Variants in FAM83H observed in about 807,000 individuals in gnomAD.
FAM83H encodes the protein scaffolding CK1 anchoring protein H.
A neutral mutation model predicts 30.2 loss-of-function variants in FAM83H; 24 were observed. That is an observed-to-expected ratio of 0.79 (90% CI 0.57 to 1.12). The LOEUF is 1.12. FAM83H is among the 50% of genes most tolerant of loss of function. The pLI is 0.00. For synonymous variants in FAM83H, 1,013 were observed against 821.7 expected, an observed-to-expected ratio of 1.23 and a Z score of -3.98; for missense variants, 2,038 against 1,773.9, an observed-to-expected ratio of 1.15 and a Z score of -2.67.
chr8:143,731,000 CAGA>C (rs1254708963), intron 1 of FAM83H, among the ~76,000 whole-genome samples: 4 of 152,058 alleles, frequency 2.6e-5, no homozygotes, highest in African/African-American at 7.3e-5. Context: ...GAAGCTGAGA[CAGA>C]AGGATTGTTT....
At position 143,728,058 on chromosome 8, in the gene FAM83H, C is replaced by T. The variant is rs782789374; in HGVS notation, c.1403G>A (p.Arg468His). The T allele has an allele frequency of 5.0e-6, 8 of 1,609,768 alleles. No individual in the cohort carries two copies. Among genetic ancestry groups the T allele is most frequent in the Non-Finnish European group, 6.8e-6 (8 of 1,179,262 alleles). Residue 468 changes from arginine (R) to histidine (H), a missense_variant, in exon 5 of 5, where the codon CGC becomes CAC. Physicochemically the swap from Arg to His is conservative, Grantham distance 29 (BLOSUM62 0). Transcript: ENST00000388913. ...YQWDPQLTPA[R>H]PQGLFEKLRG... is the part of the protein sequence containing the mutation. ...AAGCTTCTCGAACAGGCCTTGCGGG[C>T]GCGCCGGCGTGAGCTGCGGGTCCCA...
chr8:143,727,956 G>T lies in FAM83H; in HGVS notation c.1505C>A (p.Pro502His). 4 of 1,559,040 alleles carry T rather than the reference G, an allele frequency of 2.6e-6. No individual in the cohort carries two copies. The highest frequency in any genetic ancestry group is 3.4e-6 in the Non-Finnish European group (4 of 1,160,454). ...GAGPRFPELG[P>H]DGHQRLDYVP... is the part of the protein sequence containing the mutation. ...GTAGTCCAGCCGCTGGTGCCCGTCG[G>T]GTCCGAGCTCCGGGAAGCGGGGCCC... The change falls in exon 5 of 5, where the codon CCC becomes CAC. Residue 502 changes from proline (P) to histidine (H), a missense_variant. Pro to His is a moderately conservative substitution (Grantham distance 77). Coordinates refer to ENST00000388913, the MANE Select transcript of FAM83H (RefSeq NM_198488.5).
chr8:143,727,203 C>A lies in FAM83H; in HGVS notation c.2258G>T (p.Gly753Val), dbSNP rs1554622398. The A allele has an allele frequency of 6.5e-7, 1 of 1,533,382 alleles. No homozygotes were observed. The highest frequency in any genetic ancestry group is 8.7e-7 in the Non-Finnish European group (1 of 1,145,398). 95.0% of individuals were successfully genotyped at this position (1,533,382 alleles called of 1,614,324 possible). A position where few individuals can be genotyped will look rare whatever the true frequency, so the allele number is the denominator to read the frequency against. ...GPARDPGGGA[G>V]AITVASHSKA... ...GCTGTGGCTGGCAACGGTGATGGCG[C>A]CCGCGCCGCCGCCGGGATCACGGGC... The change falls in exon 5 of 5, where the codon GGC (glycine) becomes GTC (valine). Residue 753 changes from glycine (G) to valine (V), a missense_variant. Transcript: ENST00000388913.
chr8:143,728,728 G>C lies in FAM83H; in HGVS notation c.738-5C>G, dbSNP rs782651375. ...TTCTCAAAGGACCACATGAAGCTGT[G>C]GGGGGGTCAGGGCCAGAGTCAAACC... is the stretch of plus-strand genomic sequence containing the variant. On this transcript the variant is annotated splice_region_variant and splice_polypyrimidine_tract_variant and intron_variant, in intron 4 of 4. Transcript: ENST00000388913. 2 of 1,598,462 alleles carry C rather than the reference G, an allele frequency of 1.3e-6. No individual in the cohort carries two copies. The highest frequency in any genetic ancestry group is 8.5e-7 in the Non-Finnish European group (1 of 1,179,760).
At position 143,725,164 on chromosome 8, in the gene FAM83H, G is replaced by C. The variant is rs1466730432; in HGVS notation, c.*757C>G. ...GCGGGGGAGGGGGGAGACGGGGGGG[G>C]GGGGGGGGGAGGGAAGGAGGAGACC... is the stretch of plus-strand genomic sequence containing the variant. On this transcript the variant is annotated 3_prime_UTR_variant, in exon 5 of 5. Coordinates refer to ENST00000388913, the MANE Select transcript of FAM83H (RefSeq NM_198488.5). The C allele has an allele frequency of 1.2e-5, 1 of 85,154 alleles. No individual in the cohort carries two copies. Among genetic ancestry groups the C allele is most frequent in the Admixed American group, 1.2e-4 (1 of 8,096 alleles). 5.3% of individuals were successfully genotyped at this position (85,154 alleles called of 1,614,324 possible).
chr8:143,727,386 T>A lies in FAM83H; in HGVS notation c.2075A>T (p.Gln692Leu), dbSNP rs1252025368. 1 of 1,572,470 alleles carries A rather than the reference T, an allele frequency of 6.4e-7. No individual in the cohort carries two copies. Among genetic ancestry groups the A allele is most frequent in the Non-Finnish European group, 8.6e-7 (1 of 1,167,796 alleles). ...LRSSLIFSTSQAEGAAGAAAA... is the reference protein window; with the variant it reads ...LRSSLIFSTSLAEGAAGAAAA... ...CGCAGCCCCGGCCGCGCCCTCGGCC[T>A]GTGACGTGCTGAAGATGAGCGAGGA... The change falls in exon 5 of 5, where the codon CAG becomes CTG. Residue 692 changes from glutamine (Q) to leucine (L), a missense_variant. Coordinates refer to ENST00000388913, the MANE Select transcript of FAM83H (RefSeq NM_198488.5).
chr8:143,728,570 A>G lies in FAM83H; in HGVS notation c.891T>C (p.Tyr297=). 1.3e-6 allele frequency: 2 copies of G among 1,594,760 alleles called. No homozygotes were observed. The highest frequency in any genetic ancestry group is 1.7e-6 in the Non-Finnish European group (2 of 1,171,580). Residue 297 remains tyrosine (Y), a synonymous_variant, in exon 5 of 5, where the codon TAT becomes TAC. Coordinates refer to ENST00000388913, the MANE Select transcript of FAM83H (RefSeq NM_198488.5). The part of the protein sequence containing the change: ...SAAALARMDA[Y]ALAPYAGAGP... ...CGGCCCCGGCATACGGAGCCAGGGC[A>G]TAGGCGTCCATGCGGGCCAGGGCCG...
In FAM83H at chr8:143,725,639, G is replaced by T; in HGVS notation, c.*282C>A. 1 of 569,604 alleles carries T rather than the reference G, an allele frequency of 1.8e-6. No individual in the cohort carries two copies. 35.3% of individuals were successfully genotyped at this position (569,604 alleles called of 1,614,324 possible). ...AAGAGATGGCGGAGCCAGACGCTGC[G>T]CCACGCAAGGCTGACGGTGCAGAGA... is the stretch of plus-strand genomic sequence containing the variant. On this transcript the variant is annotated 3_prime_UTR_variant, in exon 5 of 5. Transcript: ENST00000388913.
rs782531719 is a variant in FAM83H, at chr8:143,725,918, GACTC to G, written c.3539_*2del. 6.2e-7 allele frequency: 1 copy of G among 1,612,746 alleles called. No individual in the cohort carries two copies. The highest frequency in any genetic ancestry group is 8.5e-7 in the Non-Finnish European group (1 of 1,179,884). On this transcript the variant is annotated stop_lost and 3_prime_UTR_variant, in exon 5 of 5. Coordinates refer to ENST00000388913, the MANE Select transcript of FAM83H (RefSeq NM_198488.5). ...CCTGGCCTGGGTTGCCAGGCCAGAA[GACTC>G]ACTTCTTGCTTTTGAACGTGCCCAG...
At chr8:143,730,632 G>A in intron 1 of FAM83H, 35 bp from the exon 2 acceptor site, 2 of 1,406,894 alleles carry the variant, frequency 1.4e-6, no homozygotes, top group South Asian at 1.4e-5. Context: ...CTAGGGGTGG[G>A]GGCACTGGGA....
rs1818195507 is a variant in FAM83H at position 143,724,022 on chromosome 8, C to T, written c.*1899G>A. ...GGTGCAGGCAGGAGGCTCCGAAGGC[C>T]CAGGCAGGGCCGCCAGCCTCTGGCC... On this transcript the variant is annotated 3_prime_UTR_variant, in exon 5 of 5. Transcript: ENST00000388913. The T allele has an allele frequency of 6.6e-6, 1 of 152,188 alleles. No individual in the cohort carries two copies. Among genetic ancestry groups the T allele is most frequent in the African/African-American group, 2.4e-5 (1 of 41,420 alleles). The allele number at this position is 152,188 out of a possible 1,614,324, so 9.4% of individuals were successfully genotyped here. A position where few individuals can be genotyped will look rare whatever the true frequency, so the allele number is the denominator to read the frequency against.
Position 143,727,261 on chromosome 8 carries a change from C to G in FAM83H, c.2200G>C (p.Val734Leu), listed in dbSNP as rs1818335059. ...EAVRSAASTK[V>L]AELLEKYKGP... ...TTGTACTTCTCCAGCAGCTCCGCCA[C>G]CTTGGTGGAAGCCGCGGAGCGCACG... Residue 734 changes from valine (V) to leucine (L), a missense_variant, in exon 5 of 5, where the codon GTG becomes CTG. By Grantham distance (32) the Val-to-Leu change is conservative. Coordinates refer to ENST00000388913, the MANE Select transcript of FAM83H (RefSeq NM_198488.5). The G allele has an allele frequency of 6.5e-7, 1 of 1,535,386 alleles. No individual in the cohort carries two copies. Among genetic ancestry groups the G allele is most frequent in the Middle Eastern group, 1.7e-4 (1 of 5,874 alleles).
At position 143,726,981 on chromosome 8, in the gene FAM83H, C is replaced by T. The variant is rs1554622216; in HGVS notation, c.2480G>A (p.Gly827Asp). Residue 827 changes from glycine to aspartate, a missense_variant, in exon 5 of 5, where the codon GGC becomes GAC. Physicochemically the swap from Gly to Asp is moderately conservative, Grantham distance 94. Coordinates refer to ENST00000388913, the MANE Select transcript of FAM83H (RefSeq NM_198488.5). ...AQLLDTLGRS[G>D]SDRLPSRFLS... ...GAAGCGGGAAGGCAGGCGGTCGGAGCCGCTCCGGCCCAGTGTGTCGAGCAG... is the reference window on the plus strand; with the variant it reads ...GAAGCGGGAAGGCAGGCGGTCGGAGTCGCTCCGGCCCAGTGTGTCGAGCAG... 6.3e-7 allele frequency: 1 copy of T among 1,597,442 alleles called. No homozygotes were observed. The highest frequency in any genetic ancestry group is 1.3e-5 in the African/African-American group (1 of 74,682).
At chr8:143,732,771 G>C in intron 1 of FAM83H, 1 of 979,462 alleles carries the variant, frequency 1.0e-6, no homozygotes, top group Non-Finnish European at 1.2e-6. Context: ...CCAGTGGCCT[G>C]CATGCCCACA....
rs1309598827 is a variant in FAM83H, at chr8:143,727,570, G to A, written c.1891C>T (p.Arg631Cys). Residue 631 changes from arginine (R) to cysteine (C), a missense_variant, in exon 5 of 5, where the codon CGC (arginine) becomes TGC (cysteine). By Grantham distance (180) the Arg-to-Cys change is radical. Transcript: ENST00000388913. ...PAGDLLPSAF[R>C]VPAAFPTKVP... ...TTGGTGGGGAAGGCTGCTGGGACGCGGAAGGCCGAGGGGAGCAGGTCGCCG... is the reference window on the plus strand; with the variant it reads ...TTGGTGGGGAAGGCTGCTGGGACGCAGAAGGCCGAGGGGAGCAGGTCGCCG... 28 of 1,587,104 alleles carry A rather than the reference G, an allele frequency of 1.8e-5. No homozygotes were observed. Among genetic ancestry groups the A allele is most frequent in the Middle Eastern group, 1.9e-4 (1 of 5,320 alleles).
chr8:143,726,865 C>T lies in FAM83H; in HGVS notation c.2596G>A (p.Glu866Lys). Residue 866 changes from glutamate to lysine, a missense_variant, in exon 5 of 5, where the codon GAG becomes AAG. Physicochemically the swap from Glu to Lys is moderately conservative, Grantham distance 56. Transcript: ENST00000388913. ...GSGAHQVLHN[E>K]SKGSPTSAYP... The stretch of plus-strand genomic sequence containing the variant: ...GCCGAGGTGGGGCTCCCTTTTGACT[C>T]ATTATGGAGCACCTGGTGCGCTCCG... The T allele has an allele frequency of 6.2e-7, 1 of 1,612,926 alleles. No homozygotes were observed. The highest frequency in any genetic ancestry group is 8.5e-7 in the Non-Finnish European group (1 of 1,179,926).
Position 143,727,397 on chromosome 8 carries a change from G to A in FAM83H, c.2064C>T (p.Phe688=). ...CCGCGCCCTCGGCCTGTGACGTGCTGAAGATGAGCGAGGAGCGCAGCCTGG... is the reference window on the plus strand; with the variant it reads ...CCGCGCCCTCGGCCTGTGACGTGCTAAAGATGAGCGAGGAGCGCAGCCTGG... ...RSSRLRSSLI[F]STSQAEGAAG... is the part of the protein sequence containing the mutation. Residue 688 remains phenylalanine (F), a synonymous_variant, in exon 5 of 5, where the codon TTC becomes TTT. Coordinates refer to ENST00000388913, the MANE Select transcript of FAM83H (RefSeq NM_198488.5). The A allele has an allele frequency of 6.4e-7, 1 of 1,573,026 alleles. No homozygotes were observed. The highest frequency in any genetic ancestry group is 8.6e-7 in the Non-Finnish European group (1 of 1,167,700).
At position 143,733,006 on chromosome 8, in the gene FAM83H, C is replaced by T. The variant is rs1818581079; in HGVS notation, c.-16+685G>A. 6.5e-6 allele frequency: 1 copy of T among 154,370 alleles called. No homozygotes were observed. 9.6% of individuals were successfully genotyped at this position (154,370 alleles called of 1,614,324 possible). A position where few individuals can be genotyped will look rare whatever the true frequency, so the allele number is the denominator to read the frequency against. ...CATGGAAGGATCTGGAGTTCCTACACAAAGTGGGGTGAACCTGTGCCAAGT... is the reference window on the plus strand; with the variant it reads ...CATGGAAGGATCTGGAGTTCCTACATAAAGTGGGGTGAACCTGTGCCAAGT... On this transcript the variant is annotated intron_variant, in intron 1 of 4. Coordinates refer to ENST00000388913, the MANE Select transcript of FAM83H (RefSeq NM_198488.5). The surrounding 1 kb of genome is among the most constrained non-coding windows in gnomAD (Gnocchi z 5.6).
chr8:143,731,792 G>A (rs1818530134), intron 1 of FAM83H: 1 of 985,448 alleles, frequency 1.0e-6, no homozygotes, highest in South Asian at 4.7e-5. Context: ...CACCATCCAT[G>A]CTTGGCTGCC....
Sources: allele counts gnomAD v4.1 joint callset (sites outside exome capture counted in the v4.1 genomes callset), GRCh38; gene constraint gnomAD v4.1.1; non-coding constraint Gnocchi (gnomAD v3.1); transcripts MANE v1.5; gene names NCBI Gene and HGNC (gene_info 2026-07-23, HGNC 2026-07-21).